SYT17: variants seen among roughly 807,000 people sequenced by gnomAD.
SYT17 encodes synaptotagmin 17, also known as synaptotagmin-17.
Under a neutral mutation model 46.7 loss-of-function variants are expected in SYT17, and 22 were observed. That is an observed-to-expected ratio of 0.47 (90% CI 0.34 to 0.67). The LOEUF is 0.67. Among genes scored for constraint, SYT17 ranks in the 30% least tolerant of loss-of-function variants. The probability of loss-of-function intolerance (pLI) is 0.01; values close to 1 mark genes in which losing one functional copy is unlikely to be tolerated. For synonymous variants in SYT17, 251 were observed against 248.4 expected (o/e 1.01, Z -0.10); for missense variants, 519 against 612.8 (o/e 0.85, Z 1.62).
chr16:19,176,280 A>ACTCTTATTAGCCTGG (rs2142526906), intron 3 of SYT17, among the ~76,000 whole-genome samples: 1 of 152,014 alleles, frequency 6.6e-6, no homozygotes, highest in South Asian at 2.1e-4. Context: ...ACCAGGAAAG[A>ACTCTTATTAGCCTGG]CTCTTATTAG....
At chr16:19,256,259 G>C (rs1968551234) in intron 7 of SYT17, among the ~76,000 whole-genome samples, 1 of 151,874 alleles carries the variant, frequency 6.6e-6, no homozygotes, top group African/African-American at 2.4e-5. Context: ...CTGCTTGACT[G>C]AACAGGGAGC....
chr16:19,208,924 G>A (rs1318775825), intron 5 of SYT17, among the ~76,000 whole-genome samples: 6 of 103,142 alleles, frequency 5.8e-5, no homozygotes, highest in Admixed American at 1.3e-4. Flanking sequence ...ACAGAGTCTC[G>A]CGCTGTCACC....
chr16:19,222,939 G>T, intron 5 of SYT17, 106 bp from the exon 6 acceptor site: 1 of 1,482,086 alleles, frequency 6.7e-7, no homozygotes, highest in Non-Finnish European at 9.2e-7. Context: ...CAACTGATGC[G>T]CTCACAGCAA....
At chr16:19,238,620 A>G (rs1167475339) in intron 7 of SYT17, among the ~76,000 whole-genome samples, 2 of 152,220 alleles carry the variant, frequency 1.3e-5, no homozygotes, top group Non-Finnish European at 2.9e-5. Flanking sequence ...TTTTTATTCC[A>G]CTTGAATGGC....
At chr16:19,190,230 G>T (rs1318408894) in intron 5 of SYT17, among the ~76,000 whole-genome samples, 1 of 152,122 alleles carries the variant, frequency 6.6e-6, no homozygotes, top group African/African-American at 2.4e-5. Flanking sequence ...AATTAGTGAG[G>T]TGTGGTGGCG....
Position 19,268,201 on chromosome 16 carries a change from C to T in SYT17, c.*1125C>T, listed in dbSNP as rs1969491560. The T allele has an allele frequency of 9.3e-6, 1 of 107,528 alleles. No homozygotes were observed. The highest frequency in any genetic ancestry group is 2.9e-3 in the East Asian group (1 of 350). The allele number at this position is 107,528 out of a possible 1,614,324, so 6.7% of individuals were successfully genotyped here. A position where few individuals can be genotyped will look rare whatever the true frequency, so the allele number is the denominator to read the frequency against. ...GAATTAGTGTAGTTAGAATAGATCT[C>T]TCTCTCTCTCTCTTTCTCTCTCTCT... On this transcript the variant is annotated 3_prime_UTR_variant, in exon 8 of 8. Transcript: ENST00000355377.
intron 1 of SYT17, chr16:19,172,406 A>G (rs1964131999): frequency 7.0e-7 from 1 of 1,423,044 alleles, no homozygotes; most frequent in East Asian, 2.6e-5. Context: ...CTGTATAGGA[A>G]GGTTTGCTCT....
chr16:19,197,292 G>T (rs1965285657), intron 5 of SYT17, among the ~76,000 whole-genome samples: 1 of 152,216 alleles, frequency 6.6e-6, no homozygotes, highest in South Asian at 2.1e-4. Context: ...TTTTCATGCG[G>T]TCCTTCATGT....
At chr16:19,245,925 G>A (rs1256015327) in intron 7 of SYT17, among the ~76,000 whole-genome samples, 2 of 152,028 alleles carry the variant, frequency 1.3e-5, no homozygotes, top group East Asian at 3.8e-4. Flanking sequence ...CATACTATAT[G>A]TATGTATATA....
intron 5 of SYT17, among the ~76,000 whole-genome samples, chr16:19,188,042 C>A (rs1195224460): frequency 6.6e-6 from 1 of 152,182 alleles, no homozygotes; most frequent in Non-Finnish European, 1.5e-5. Context: ...GCGTTATGTT[C>A]ATTGCAGCAC....
intron 7 of SYT17, among the ~76,000 whole-genome samples, chr16:19,260,695 T>C (rs866446872): frequency 3.3e-5 from 5 of 152,074 alleles, no homozygotes; most frequent in Non-Finnish European, 7.4e-5. Context: ...TTAGGGGGCT[T>C]AGAATTGTAT....
rs544023796 is a variant in SYT17 at position 19,248,835 on chromosome 16, A to G, written c.1229-18045A>G. Among the ~76,000 whole-genome samples, 4 of 151,892 alleles carry G rather than the reference A, an allele frequency of 2.6e-5. No individual in the cohort carries two copies. In the South Asian group the frequency reaches 8.3e-4, roughly 32 times the overall value. On this transcript the variant is annotated intron_variant, in intron 7 of 7. Transcript: ENST00000355377. ...AGACTCTGTCTCAACAACAACAACAACAAAAAGAATATTACTCAGCAGTAA... is the reference window on the plus strand; with the variant it reads ...AGACTCTGTCTCAACAACAACAACAGCAAAAAGAATATTACTCAGCAGTAA...
At chr16:19,231,959 G>C (rs1292954323) in intron 7 of SYT17, among the ~76,000 whole-genome samples, 2 of 152,218 alleles carry the variant, frequency 1.3e-5, no homozygotes, top group Admixed American at 6.5e-5. Flanking sequence ...GTCTGACCCA[G>C]TCTGTGGAGT....
rs760380559 is a variant in SYT17, at chr16:19,168,610, G to C, written c.-37G>C. On this transcript the variant is annotated 5_prime_UTR_variant, in exon 1 of 8. Coordinates refer to ENST00000355377, the MANE Select transcript of SYT17 (RefSeq NM_016524.4). This position sits in a 1 kb window ranked among gnomAD's most constrained non-coding sequence, Gnocchi z 6.9. ...GCGAGGGCAAAGTGGCCGTGGCGGC[G>C]CCATGCCCGGGCCGGAGTGAGTGCG... 6.5e-7 allele frequency: 1 copy of C among 1,541,430 alleles called. No homozygotes were observed. The highest frequency in any genetic ancestry group is 1.2e-5 in the South Asian group (1 of 83,748).
At position 19,180,426 on chromosome 16, in the gene SYT17, C is replaced by G; in HGVS notation, c.218C>G (p.Ser73Cys). Residue 73 changes from serine (S) to cysteine (C), a missense_variant, in exon 4 of 8, where the codon TCT (serine) becomes TGT (cysteine). Ser to Cys is a moderately radical substitution (Grantham distance 112). Coordinates refer to ENST00000355377, the MANE Select transcript of SYT17 (RefSeq NM_016524.4). ...ASRSSDKDGDSVHTASEVPLT... is the reference protein window; with the variant it reads ...ASRSSDKDGDCVHTASEVPLT... ...CGGAGCAGTGACAAGGATGGTGACT[C>G]TGTCCACACGGCCAGCGAAGTCCCG... 1 of 1,614,244 alleles carries G rather than the reference C, an allele frequency of 6.2e-7. No homozygotes were observed. The highest frequency in any genetic ancestry group is 1.1e-5 in the South Asian group (1 of 91,086).
intron 5 of SYT17, among the ~76,000 whole-genome samples, chr16:19,205,909 T>G (rs941964906): frequency 2.0e-5 from 3 of 152,204 alleles, no homozygotes; most frequent in Non-Finnish European, 4.4e-5. Context: ...TCTTCCACTT[T>G]AATGTGAACT....
intron 7 of SYT17, chr16:19,250,126 A>G: frequency 6.9e-7 from 1 of 1,446,544 alleles, no homozygotes; most frequent in Non-Finnish European, 9.0e-7. Context: ...TTGGTTTAAC[A>G]TTTTATTTAA....
intron 7 of SYT17, among the ~76,000 whole-genome samples, chr16:19,237,810 C>G (rs901616567): frequency 6.6e-6 from 1 of 152,210 alleles, no homozygotes. Context: ...TGGGGCTCAT[C>G]TGCCCTGCAC....
intron 7 of SYT17, among the ~76,000 whole-genome samples, chr16:19,258,376 C>T (rs536006301): frequency 6.6e-6 from 1 of 152,224 alleles, no homozygotes; most frequent in Non-Finnish European, 1.5e-5. Flanking sequence ...CACGGTGGCT[C>T]ACGTCTGTAA....
Sources: allele counts gnomAD v4.1 joint callset (sites outside exome capture counted in the v4.1 genomes callset), GRCh38; gene constraint gnomAD v4.1.1; non-coding constraint Gnocchi (gnomAD v3.1); transcripts MANE v1.5; gene names NCBI Gene and HGNC (gene_info 2026-07-23, HGNC 2026-07-21).